The following PHYHIPL variants were observed in gnomAD, a reference collection of about 807,000 sequenced individuals.
PHYHIPL encodes the protein phytanoyl-CoA hydroxylase-interacting protein-like.
PHYHIPL carries 9 observed loss-of-function variants against 33.4 expected under a neutral mutation model. The ratio of observed to expected loss-of-function variants is 0.27; its 90% confidence interval spans 0.16 to 0.47. The LOEUF (loss-of-function observed/expected upper bound fraction) is 0.47. PHYHIPL is among the 20% of genes least tolerant of loss of function. The pLI, the probability that PHYHIPL is intolerant of heterozygous loss-of-function variation, is 0.99. For missense variants in PHYHIPL, 365 were observed against 460.7 expected (o/e 0.79, Z 1.90); for synonymous variants, 153 against 154.1 (o/e 0.99, Z 0.05).
At chr10:59,224,194 T>C (rs536287338) in intron 1 of PHYHIPL, among the ~76,000 whole-genome samples, 44 of 152,328 alleles carry the variant, frequency 2.9e-4, no homozygotes, top group African/African-American at 1.0e-3. Flanking sequence ...ACTCAATGTA[T>C]AATTTCACAT....
chr10:59,173,943 T>TG (rs1838209621), upstream of PHYHIPL, among the ~76,000 whole-genome samples: 1 of 107,556 alleles, frequency 9.3e-6, no homozygotes, highest in Non-Finnish European at 1.8e-5. Context: ...TTTTTTTTTT[T>TG]TTTTTTTTTT....
chr10:59,174,910 C>A (rs1306349012), upstream of PHYHIPL, among the ~76,000 whole-genome samples: 3 of 152,186 alleles, frequency 2.0e-5, no homozygotes, highest in Non-Finnish European at 4.4e-5. Flanking sequence ...GCACAGTGTC[C>A]TGGACATAGG....
chr10:59,244,651 CT>C (rs1007370642), intron 4 of PHYHIPL, among the ~76,000 whole-genome samples: 10 of 146,510 alleles, frequency 6.8e-5, no homozygotes, highest in Admixed American at 4.8e-4. Context: ...ATGACTAAAT[CT>C]ATCATGCTTT....
At chr10:59,190,833 G>C (rs913632613) in intron 1 of PHYHIPL, among the ~76,000 whole-genome samples, 3 of 151,776 alleles carry the variant, frequency 2.0e-5, no homozygotes, top group African/African-American at 7.2e-5. Flanking sequence ...TATGAAAAAT[G>C]AGCTTTGAAA....
intron 1 of PHYHIPL, among the ~76,000 whole-genome samples, chr10:59,192,717 C>T (rs925320421): frequency 6.6e-6 from 1 of 152,024 alleles, no homozygotes; most frequent in African/African-American, 2.4e-5. Flanking sequence ...AATCTGTTAA[C>T]TTTGTGATCA....
chr10:59,179,144 A>G (rs912969725), intron 1 of PHYHIPL, among the ~76,000 whole-genome samples: 4 of 152,136 alleles, frequency 2.6e-5, no homozygotes, highest in African/African-American at 9.7e-5. Context: ...TCAAAGGGAT[A>G]ATTTAGGGGG....
intron 1 of PHYHIPL, chr10:59,206,889 C>T (rs1839298093): frequency 2.5e-6 from 2 of 793,980 alleles, no homozygotes; most frequent in South Asian, 3.3e-5. Context: ...TTTGACTTCC[C>T]CAAATTATGG....
upstream of PHYHIPL, chr10:59,176,638 C>G (rs1372307422): frequency 4.4e-6 from 2 of 450,588 alleles, no homozygotes; most frequent in South Asian, 7.1e-5. Flanking sequence ...CCTGCTCGGT[C>G]TCTCAGAGCC....
intron 1 of PHYHIPL, chr10:59,177,430 C>T: frequency 6.7e-7 from 1 of 1,483,662 alleles, no homozygotes; most frequent in Non-Finnish European, 9.0e-7. Flanking sequence ...CATCCTCAGA[C>T]TCCCCAAATT....
chr10:59,174,137 G>C (rs527663579), upstream of PHYHIPL, among the ~76,000 whole-genome samples: 3 of 151,762 alleles, frequency 2.0e-5, no homozygotes, highest in African/African-American at 7.2e-5. Flanking sequence ...CTCTGTCCTT[G>C]AGTTTTCCCA....
intron 1 of PHYHIPL, among the ~76,000 whole-genome samples, chr10:59,218,948 C>T (rs79719398): frequency 6.7e-5 from 10 of 149,682 alleles, no homozygotes; most frequent in South Asian, 2.1e-4. Flanking sequence ...TTATTTTTTT[C>T]GAGACTGAGT....
intron 1 of PHYHIPL, among the ~76,000 whole-genome samples, chr10:59,195,781 T>A (rs1452221683): frequency 6.6e-6 from 1 of 152,148 alleles, no homozygotes; most frequent in Non-Finnish European, 1.5e-5. Flanking sequence ...TGTTTTTACA[T>A]ATGTAAAGAC....
At chr10:59,244,562 CAAAAAAAAAAAA>C (rs71006239) in intron 4 of PHYHIPL, among the ~76,000 whole-genome samples, 1,002 of 39,622 alleles carry the variant, frequency 0.025, 50 homozygotes, top group African/African-American at 0.079. Flanking sequence ...GACTCTGTCT[CAAAAAAAAAAAA>C]AAAAAAAAAA....
intron 1 of PHYHIPL, among the ~76,000 whole-genome samples, chr10:59,182,194 A>C (rs767582581): frequency 6.6e-6 from 1 of 151,728 alleles, no homozygotes; most frequent in Non-Finnish European, 1.5e-5. Context: ...GCATAATATA[A>C]GTTTTGCCTT....
At chr10:59,190,304 C>A (rs985502792) in intron 1 of PHYHIPL, among the ~76,000 whole-genome samples, 2 of 151,800 alleles carry the variant, frequency 1.3e-5, no homozygotes, top group Admixed American at 6.6e-5. Context: ...GTCATCTGGC[C>A]TTTTCAGGAT....
chr10:59,176,194 C>A (rs1838245351), upstream of PHYHIPL, among the ~76,000 whole-genome samples: 1 of 152,178 alleles, frequency 6.6e-6, no homozygotes, highest in African/African-American at 2.4e-5. Flanking sequence ...TCCCACACCC[C>A]AATACCGTAC....
At chr10:59,188,146 A>G (rs907927176) in intron 1 of PHYHIPL, among the ~76,000 whole-genome samples, 9 of 152,188 alleles carry the variant, frequency 5.9e-5, no homozygotes, top group African/African-American at 2.2e-4. Flanking sequence ...AATGTGTCCC[A>G]GAGATTCTGG....
At chr10:59,188,010 T>C (rs1376825662) in intron 1 of PHYHIPL, among the ~76,000 whole-genome samples, 1 of 152,214 alleles carries the variant, frequency 6.6e-6, no homozygotes, top group East Asian at 1.9e-4. Flanking sequence ...TCTGCTAGCT[T>C]TTGAATGTGT....
intron 1 of PHYHIPL, among the ~76,000 whole-genome samples, chr10:59,216,400 A>C (rs955902494): frequency 9.2e-5 from 14 of 152,128 alleles, no homozygotes; most frequent in African/African-American, 3.1e-4. Context: ...CTTGGCTTCA[A>C]AGATAAGAAC....
Sources: gnomAD v4.1 joint callset for allele counts (sites outside exome capture counted in the v4.1 genomes callset) on GRCh38, gnomAD v4.1.1 for gene constraint, MANE v1.5 for transcripts, NCBI Gene and HGNC (gene_info 2026-07-23, HGNC 2026-07-21) for gene names.